The following NXPE2 variants were observed in gnomAD, a reference collection of about 807,000 sequenced individuals.
The protein encoded by NXPE2 is neurexophilin and PC-esterase domain family member 2, also known as NXPE family member 2.
NXPE2 carries 34 observed loss-of-function variants against 34.4 expected under a neutral mutation model. The ratio of observed to expected loss-of-function variants is 0.99; its 90% CI spans 0.75 to 1.31. NXPE2 has a LOEUF of 1.31. Among genes scored for constraint, NXPE2 ranks in the 40% most tolerant of loss-of-function variants. NXPE2 has a pLI of 0.00. For synonymous variants in NXPE2, 235 were observed against 231.3 expected, an observed-to-expected ratio of 1.02 and a Z score of -0.15; for missense variants, 649 against 672.5, an observed-to-expected ratio of 0.97 and a Z score of 0.39.
chr11:114,627,810 A>G, the NXPE2 span, among the ~76,000 whole-genome samples: 1 of 151,872 alleles, frequency 6.6e-6, no homozygotes, highest in Non-Finnish European at 1.5e-5. Flanking sequence ...GCTCAAAATA[A>G]AAGGATGGAG....
At chr11:114,550,369 G>T in the NXPE2 span, among the ~76,000 whole-genome samples, 3 of 152,058 alleles carry the variant, frequency 2.0e-5, no homozygotes, top group Non-Finnish European at 4.4e-5. Context: ...TGGTATTGAT[G>T]CATGAATAAA....
chr11:114,755,381 A>T, the NXPE2 span, among the ~76,000 whole-genome samples: 1 of 152,152 alleles, frequency 6.6e-6, no homozygotes, highest in South Asian at 2.1e-4. Flanking sequence ...CTTGCTGTAG[A>T]TGCTATCCTG....
chr11:114,492,154 T>TATA, the NXPE2 span, among the ~76,000 whole-genome samples: 289 of 152,210 alleles, frequency 1.9e-3, no homozygotes, highest in African/African-American at 6.8e-3. Context: ...AAATTTAAAG[T>TATA]ATAATAATAA....
chr11:114,512,739 G>T, the NXPE2 span: 1 of 156,896 alleles, frequency 6.4e-6, no homozygotes, highest in Non-Finnish European at 1.4e-5. Context: ...TGGAAGGATT[G>T]TTTAATCTTG....
chr11:114,597,428 G>A, the NXPE2 span, among the ~76,000 whole-genome samples: 1 of 152,180 alleles, frequency 6.6e-6, no homozygotes, highest in Non-Finnish European at 1.5e-5. Flanking sequence ...ACAAGAAAAT[G>A]TAATGGGTAT....
At chr11:114,658,400 A>G in the NXPE2 span, among the ~76,000 whole-genome samples, 1 of 152,156 alleles carries the variant, frequency 6.6e-6, no homozygotes, top group Non-Finnish European at 1.5e-5. Flanking sequence ...ACATAAAGGG[A>G]ATTTGTTCCT....
chr11:114,482,176 A>G, the NXPE2 span, among the ~76,000 whole-genome samples: 4 of 152,166 alleles, frequency 2.6e-5, no homozygotes, highest in Admixed American at 6.5e-5. Context: ...TGAAAAAAAT[A>G]TATTTCCTGC....
chr11:114,702,838 A>T (rs1464177), intron 3 of NXPE2, among the ~76,000 whole-genome samples: 24,764 of 152,036 alleles, frequency 0.16, 2,525 homozygotes, highest in Non-Finnish European at 0.22. Flanking sequence ...GATGAAGGGG[A>T]TATTATCCTC....
At chr11:114,627,154 A>G in the NXPE2 span, among the ~76,000 whole-genome samples, 2 of 152,092 alleles carry the variant, frequency 1.3e-5, no homozygotes, top group East Asian at 3.9e-4. Context: ...GTTCAGATTC[A>G]GGAAATACAG....
chr11:114,662,404 A>C, the NXPE2 span, among the ~76,000 whole-genome samples: 3 of 152,330 alleles, frequency 2.0e-5, no homozygotes, highest in East Asian at 3.9e-4. Flanking sequence ...AGTTCCCACA[A>C]GCCTCACTGC....
rs1179887394 is a variant in NXPE2, at chr11:114,698,443, C to G, written c.531C>G (p.Val177=). The change falls in exon 3 of 6, where the codon GTC becomes GTG. Residue 177 remains valine (V), a synonymous_variant. Coordinates refer to ENST00000389586, the MANE Select transcript of NXPE2 (RefSeq NM_182495.6). The part of the protein sequence containing the change: ...VTDFNNGTYL[V]SFTLFWEGQV... ...ACTTCAACAACGGCACCTACCTGGTCAGCTTCACTCTGTTCTGGGAGGGCC... is the reference window on the plus strand; with the variant it reads ...ACTTCAACAACGGCACCTACCTGGTGAGCTTCACTCTGTTCTGGGAGGGCC... The G allele has an allele frequency of 1.2e-6, 2 of 1,613,826 alleles. No homozygotes were observed. The highest frequency in any genetic ancestry group is 1.7e-6 in the Non-Finnish European group (2 of 1,179,914).
chr11:114,631,012 A>G, the NXPE2 span, among the ~76,000 whole-genome samples: 205 of 151,120 alleles, frequency 1.4e-3, 1 homozygote, highest in African/African-American at 4.6e-3. Flanking sequence ...ATCATTAAAA[A>G]GTCAGGAAAC....
chr11:114,731,414 C>A, the NXPE2 span, among the ~76,000 whole-genome samples: 1 of 152,128 alleles, frequency 6.6e-6, no homozygotes, highest in Admixed American at 6.5e-5. Context: ...TATACAAACA[C>A]CTGTACATGA....
At chr11:114,775,424 A>T in the NXPE2 span, among the ~76,000 whole-genome samples, 1 of 152,044 alleles carries the variant, frequency 6.6e-6, no homozygotes, top group Non-Finnish European at 1.5e-5. Context: ...GAAATTAGAA[A>T]CCTCAACTCA....
chr11:114,615,054 T>C, the NXPE2 span, among the ~76,000 whole-genome samples: 1 of 151,938 alleles, frequency 6.6e-6, no homozygotes, highest in East Asian at 1.9e-4. Context: ...TAATAAGTGT[T>C]GCCTCGTGGG....
At chr11:114,590,146 A>C in the NXPE2 span, among the ~76,000 whole-genome samples, 4 of 152,198 alleles carry the variant, frequency 2.6e-5, no homozygotes, top group Non-Finnish European at 4.4e-5. Context: ...GACCTCTCTG[A>C]GTTTTCCCAT....
chr11:114,473,884 G>A, the NXPE2 span, among the ~76,000 whole-genome samples: 1 of 152,092 alleles, frequency 6.6e-6, no homozygotes, highest in South Asian at 2.1e-4. Flanking sequence ...CTCTAAAACG[G>A]GAATAGCTCA....
the NXPE2 span, among the ~76,000 whole-genome samples, chr11:114,779,568 C>T: frequency 5.9e-5 from 9 of 152,102 alleles, no homozygotes; most frequent in Admixed American, 2.6e-4. Context: ...TTTGATGTTG[C>T]GGGGACTTCT....
At chr11:114,501,578 G>A in the NXPE2 span, among the ~76,000 whole-genome samples, 1 of 152,174 alleles carries the variant, frequency 6.6e-6, no homozygotes, top group Non-Finnish European at 1.5e-5. Flanking sequence ...CTGAATGACT[G>A]TTCTGCTGTT....
Sources: gnomAD v4.1 joint callset for allele counts (sites outside exome capture counted in the v4.1 genomes callset) on GRCh38, gnomAD v4.1.1 for gene constraint, MANE v1.5 for transcripts, NCBI Gene and HGNC (gene_info 2026-07-23, HGNC 2026-07-21) for gene names.